MMP16: variants seen among roughly 807,000 people sequenced by gnomAD.
MMP16 encodes the protein matrix metallopeptidase 16.
In MMP16, 12 loss-of-function variants were observed where a neutral mutation model predicts 67.8. That is an observed-to-expected ratio of 0.18 (90% CI 0.11 to 0.29). The LOEUF (loss-of-function observed/expected upper bound fraction) is 0.29, where lower values mean the gene tolerates loss of function less well. Among genes scored for constraint, MMP16 ranks in the 10% least tolerant of loss-of-function variants. The probability of loss-of-function intolerance (pLI) is 1.00; values close to 1 mark genes in which losing one functional copy is unlikely to be tolerated. For missense variants in MMP16, 475 were observed against 765.7 expected, an observed-to-expected ratio of 0.62 and a Z score of 4.48; for synonymous variants, 249 against 255.9, an observed-to-expected ratio of 0.97 and a Z score of 0.26.
At chr8:88,054,638 C>A (rs921453156) in intron 8 of MMP16, among the ~76,000 whole-genome samples, 3 of 152,082 alleles carry the variant, frequency 2.0e-5, no homozygotes, top group Non-Finnish European at 4.4e-5. Flanking sequence ...GAATTAAAAT[C>A]TATGAGCATT....
At chr8:88,048,848 A>G (rs1808232250) in intron 8 of MMP16, among the ~76,000 whole-genome samples, 1 of 152,218 alleles carries the variant, frequency 6.6e-6, no homozygotes, top group South Asian at 2.1e-4. Context: ...AAATTAGAAA[A>G]AAATAAGTAT....
At chr8:88,083,031 T>C (rs1369287178) in intron 6 of MMP16, among the ~76,000 whole-genome samples, 2 of 152,014 alleles carry the variant, frequency 1.3e-5, no homozygotes, top group Non-Finnish European at 2.9e-5. Context: ...AATAATTTTA[T>C]GGTTAAAAGG....
intron 1 of MMP16, among the ~76,000 whole-genome samples, chr8:88,290,954 T>C (rs1810917536): frequency 6.6e-6 from 1 of 152,094 alleles, no homozygotes; most frequent in Non-Finnish European, 1.5e-5. Context: ...TTCTAATGAG[T>C]AAAACCTTGC....
At chr8:88,181,083 C>T (rs1274725006) in intron 3 of MMP16, among the ~76,000 whole-genome samples, 1 of 152,040 alleles carries the variant, frequency 6.6e-6, no homozygotes, top group African/African-American at 2.4e-5. Context: ...TTAAAACACA[C>T]TTGATGTTGA....
rs28986468 is a variant in MMP16, at chr8:88,310,781, G to GAAGAGAGAA, written c.132+16285_132+16293dup. On this transcript the variant is annotated intron_variant, in intron 1 of 9. Coordinates refer to ENST00000286614, the MANE Select transcript of MMP16 (RefSeq NM_005941.5). The stretch of plus-strand genomic sequence containing the variant: ...AATTCGCCCATATGCCCCCAGGCAA[G>GAAGAGAGAA]AAGAGAGAAAAAAAGTTATTTCTGT... Among the ~76,000 whole-genome samples the GAAGAGAGAA allele has an allele frequency of 1.5e-3, 230 of 152,180 alleles. 3 individuals are homozygous for GAAGAGAGAA. In the East Asian group the frequency reaches 0.041, roughly 27 times the overall value.
chr8:88,094,047 G>C (rs556902787), intron 6 of MMP16, among the ~76,000 whole-genome samples: 1 of 151,786 alleles, frequency 6.6e-6, no homozygotes, highest in East Asian at 1.9e-4. Flanking sequence ...CTTAGACCAA[G>C]GCAGAGTGTA....
At chr8:88,237,269 G>A (rs1203738073) in intron 1 of MMP16, among the ~76,000 whole-genome samples, 1 of 152,216 alleles carries the variant, frequency 6.6e-6, no homozygotes. Context: ...ACGAAGGGAT[G>A]GGCATTATGC....
intron 8 of MMP16, among the ~76,000 whole-genome samples, chr8:88,052,719 C>T (rs1808286204): frequency 6.6e-6 from 1 of 152,224 alleles, no homozygotes; most frequent in Non-Finnish European, 1.5e-5. Context: ...TGTTTTTGAA[C>T]AATCCAACTT....
chr8:88,153,981 A>G (rs1028483329), intron 4 of MMP16, among the ~76,000 whole-genome samples: 62 of 150,532 alleles, frequency 4.1e-4, no homozygotes, highest in Admixed American at 1.9e-3. Context: ...ACAAAGGGCT[A>G]ATATCCAGAA....
At chr8:88,273,516 TAGC>T (rs1388146245) in intron 1 of MMP16, among the ~76,000 whole-genome samples, 11 of 152,190 alleles carry the variant, frequency 7.2e-5, no homozygotes, top group Non-Finnish European at 1.5e-5. Context: ...TGACACAGAA[TAGC>T]ACTACTGTAT....
At chr8:88,318,312 T>A (rs967170260) in intron 1 of MMP16, among the ~76,000 whole-genome samples, 1 of 152,234 alleles carries the variant, frequency 6.6e-6, no homozygotes, top group African/African-American at 2.4e-5. Flanking sequence ...ATACATGGAT[T>A]ACCAATTATC....
chr8:88,320,967 C>A (rs761281023), intron 1 of MMP16, among the ~76,000 whole-genome samples: 35 of 152,122 alleles, frequency 2.3e-4, no homozygotes, highest in Non-Finnish European at 2.9e-4. Flanking sequence ...AAACAACAAT[C>A]AAATATGGTT....
intron 6 of MMP16, among the ~76,000 whole-genome samples, chr8:88,079,324 A>C (rs1808706680): frequency 6.6e-6 from 1 of 151,976 alleles, no homozygotes; most frequent in African/African-American, 2.4e-5. Flanking sequence ...TATACGCAAA[A>C]CTTTTATCAC....
At chr8:88,301,547 T>A (rs1158015707) in intron 1 of MMP16, among the ~76,000 whole-genome samples, 1 of 152,244 alleles carries the variant, frequency 6.6e-6, no homozygotes, top group Non-Finnish European at 1.5e-5. Context: ...TATGCTATAC[T>A]CTATATTTTC....
intron 6 of MMP16, among the ~76,000 whole-genome samples, chr8:88,081,307 A>T (rs1808747612): frequency 6.6e-6 from 1 of 152,192 alleles, no homozygotes; most frequent in Non-Finnish European, 1.5e-5. Flanking sequence ...TTCACCACTG[A>T]ACTGACTCAT....
intron 1 of MMP16, among the ~76,000 whole-genome samples, chr8:88,250,432 T>A (rs1373557677): frequency 6.6e-6 from 1 of 152,098 alleles, no homozygotes; most frequent in Non-Finnish European, 1.5e-5. Flanking sequence ...AAATTTTAAA[T>A]GTGAGACTAC....
At chr8:88,090,770 C>T (rs982456343) in intron 6 of MMP16, among the ~76,000 whole-genome samples, 3 of 151,716 alleles carry the variant, frequency 2.0e-5, no homozygotes, top group East Asian at 1.9e-4. Context: ...AGCTGAACAA[C>T]GAAAACAAGT....
intron 1 of MMP16, among the ~76,000 whole-genome samples, chr8:88,232,545 T>C (rs1274575616): frequency 6.6e-6 from 1 of 152,200 alleles, no homozygotes; most frequent in African/African-American, 2.4e-5. Flanking sequence ...ATGTTCCGTA[T>C]GGTGAGACTC....
At chr8:88,065,540 T>C (rs1808453427) in intron 7 of MMP16, among the ~76,000 whole-genome samples, 1 of 152,002 alleles carries the variant, frequency 6.6e-6, no homozygotes, top group Admixed American at 6.6e-5. Context: ...ATTTGCTTGG[T>C]CTAAATCTAT....
Sources: allele counts gnomAD v4.1 joint callset (sites outside exome capture counted in the v4.1 genomes callset), GRCh38; gene constraint gnomAD v4.1.1; transcripts MANE v1.5; gene names NCBI Gene and HGNC (gene_info 2026-07-23, HGNC 2026-07-21).